Variants in VMP1 observed in about 807,000 individuals in gnomAD.
VMP1 encodes vacuole membrane protein 1, also known as ectopic P-granules autophagy protein 3 homolog.
A neutral mutation model predicts 56.0 loss-of-function variants in VMP1; 11 were observed. The ratio of observed to expected loss-of-function variants is 0.20; its 90% confidence interval spans 0.12 to 0.32. VMP1 has a LOEUF of 0.32. Among genes scored for constraint, VMP1 ranks in the 10% least tolerant of loss-of-function variants. The pLI, the probability that VMP1 is intolerant of heterozygous loss-of-function variation, is 1.00. For missense variants in VMP1, 296 were observed against 490.3 expected, an observed-to-expected ratio of 0.60 and a Z score of 3.74; for synonymous variants, 149 against 165.0, an observed-to-expected ratio of 0.90 and a Z score of 0.74.
chr17:59,755,899 G>A (rs1369363687), intron 5 of VMP1, among the ~76,000 whole-genome samples: 6 of 151,626 alleles, frequency 4.0e-5, no homozygotes, highest in Non-Finnish European at 7.4e-5. Context: ...CCACCACACT[G>A]GGCTAATATT....
At chr17:59,782,192 A>G (rs2036847417) in intron 7 of VMP1, among the ~76,000 whole-genome samples, 1 of 152,166 alleles carries the variant, frequency 6.6e-6, no homozygotes, top group Non-Finnish European at 1.5e-5. Flanking sequence ...TACAGGCATG[A>G]GCCACCGCAC....
At chr17:59,832,902 T>C (rs1295925) in intron 10 of VMP1, among the ~76,000 whole-genome samples, 91,152 of 151,288 alleles carry the variant, frequency 0.6, 28,738 homozygotes, top group Non-Finnish European at 0.7. Context: ...TGAACCACCA[T>C]GCCCGGCCGA....
chr17:59,800,140 G>C (rs777634041), intron 7 of VMP1, among the ~76,000 whole-genome samples: 17 of 152,048 alleles, frequency 1.1e-4, no homozygotes, highest in Non-Finnish European at 1.8e-4. Context: ...TAGTTATTAA[G>C]GCACTTTTTA....
At chr17:59,790,077 G>T (rs1449571005) in intron 7 of VMP1, among the ~76,000 whole-genome samples, 1 of 151,796 alleles carries the variant, frequency 6.6e-6, no homozygotes, top group African/African-American at 2.4e-5. Context: ...TTGACCTCAG[G>T]TGATCCGCCC....
chr17:59,763,245 GT>G (rs1344352195), intron 5 of VMP1, among the ~76,000 whole-genome samples: 2 of 151,754 alleles, frequency 1.3e-5, no homozygotes, highest in East Asian at 3.8e-4. Flanking sequence ...AAACTTTGGG[GT>G]TTTTTTGTAG....
At chr17:59,803,023 G>T (rs2037728450) in intron 7 of VMP1, among the ~76,000 whole-genome samples, 1 of 152,214 alleles carries the variant, frequency 6.6e-6, no homozygotes, top group African/African-American at 2.4e-5. Context: ...GGGATTACAG[G>T]CATGAGCCAC....
intron 1 of VMP1, among the ~76,000 whole-genome samples, chr17:59,711,489 G>T (rs2033933735): frequency 6.6e-6 from 1 of 152,098 alleles, no homozygotes; most frequent in Non-Finnish European, 1.5e-5. Flanking sequence ...TTTGTAAATT[G>T]TTACTCTGCT....
chr17:59,777,720 A>T (rs1416735972), intron 7 of VMP1, among the ~76,000 whole-genome samples: 2 of 152,150 alleles, frequency 1.3e-5, no homozygotes, highest in African/African-American at 4.8e-5. Context: ...AGGCTGAGAC[A>T]GGAGAATCGC....
chr17:59,796,885 A>C (rs980796548), intron 7 of VMP1, among the ~76,000 whole-genome samples: 1 of 152,206 alleles, frequency 6.6e-6, no homozygotes, highest in Non-Finnish European at 1.5e-5. Context: ...GGCACTGTCT[A>C]CTACAGTTAA....
chr17:59,787,522 A>C (rs2037046164), intron 7 of VMP1, among the ~76,000 whole-genome samples: 3 of 152,254 alleles, frequency 2.0e-5, no homozygotes, highest in Middle Eastern at 6.8e-3. Context: ...AGACTTACTT[A>C]TCTAAAAAAT....
chr17:59,772,615 A>G (rs1448841776), intron 6 of VMP1, among the ~76,000 whole-genome samples: 1 of 151,874 alleles, frequency 6.6e-6, no homozygotes, highest in Non-Finnish European at 1.5e-5. Flanking sequence ...CTAAAAATAC[A>G]AAAATTAGCC....
intron 5 of VMP1, among the ~76,000 whole-genome samples, chr17:59,747,413 CTTT>C (rs201448260): frequency 7.3e-6 from 1 of 137,144 alleles, no homozygotes. Context: ...TTCTTTCTTT[CTTT>C]TTTTTTTTTT....
intron 10 of VMP1, among the ~76,000 whole-genome samples, chr17:59,821,611 T>A (rs956616063): frequency 6.8e-6 from 1 of 147,512 alleles, no homozygotes. Context: ...AATGGTGCGA[T>A]CTCAGATCTC....
chr17:59,710,143 G>T (rs950923323), intron 1 of VMP1, among the ~76,000 whole-genome samples: 3 of 152,098 alleles, frequency 2.0e-5, no homozygotes, highest in African/African-American at 7.2e-5. Flanking sequence ...CTTGCAGTGA[G>T]CCGAGATTGC....
chr17:59,818,305 T>C (rs1354937262), intron 10 of VMP1, among the ~76,000 whole-genome samples: 2 of 152,082 alleles, frequency 1.3e-5, no homozygotes, highest in Non-Finnish European at 2.9e-5. Context: ...AGGCAGAGGT[T>C]GCAGTGAGCC....
chr17:59,809,484 A>ATTTTTTTTT lies in VMP1; in HGVS notation c.795+640_795+648dup, dbSNP rs71145575. On this transcript the variant is annotated intron_variant, in intron 8 of 11. Transcript: ENST00000262291. ...AGGCGACTGCCACCACACCCAGCTA[A>ATTTTTTTTT]TTTTTTTTTTTTTTTTTTTTTTTTT... 2.7e-4 allele frequency among the ~76,000 whole-genome samples: 14 copies of ATTTTTTTTT among 52,716 alleles called. 2 individuals carry two copies. The highest frequency in any genetic ancestry group is 1.5e-3 in the East Asian group (3 of 1,938). 34.6% of individuals were successfully genotyped at this position (52,716 alleles called of 152,430 possible).
intron 7 of VMP1, among the ~76,000 whole-genome samples, chr17:59,784,132 TGTGTGTGTGTGA>T (rs2036922272): frequency 7.0e-6 from 1 of 143,744 alleles, no homozygotes; most frequent in African/African-American, 2.7e-5. Context: ...TGTGTGTGTG[TGTGTGTGTGTGA>T]GAGAGAGAGA....
In VMP1 at chr17:59,738,899, G is replaced by A. The variant is rs2035110890; in HGVS notation, c.366G>A (p.Leu122=). The change falls in exon 5 of 12, where the codon TTG becomes TTA. Residue 122 remains leucine, a synonymous_variant. Coordinates refer to ENST00000262291, the MANE Select transcript of VMP1 (RefSeq NM_030938.5). ...LYAYWIGLGI[L]SSVGLGTGLH... The stretch of plus-strand genomic sequence containing the variant: ...CCTACTGGATAGGCTTAGGAATTTT[G>A]TCTTCTGTTGGGCTTGGAACAGGGC... 2.5e-6 allele frequency: 4 copies of A among 1,612,714 alleles called. No individual in the cohort carries two copies. Among genetic ancestry groups the A allele is most frequent in the Non-Finnish European group, 3.4e-6 (4 of 1,179,544 alleles).
At chr17:59,818,951 A>T in intron 10 of VMP1, among the ~76,000 whole-genome samples, 1 of 152,126 alleles carries the variant, frequency 6.6e-6, no homozygotes, top group East Asian at 1.9e-4. Context: ...AATTTTTGCT[A>T]TTTAAAAAAA....
Sources: gnomAD v4.1 joint callset for allele counts (sites outside exome capture counted in the v4.1 genomes callset) on GRCh38, gnomAD v4.1.1 for gene constraint, MANE v1.5 for transcripts, NCBI Gene and HGNC (gene_info 2026-07-23, HGNC 2026-07-21) for gene names.